ESRRG: variants seen among roughly 807,000 people sequenced by gnomAD.
ESRRG encodes the protein estrogen-related receptor gamma.
In ESRRG, 13 loss-of-function variants were observed where a neutral mutation model predicts 44.0. That is an observed-to-expected ratio of 0.30 (90% confidence interval 0.19 to 0.47). The LOEUF (loss-of-function observed/expected upper bound fraction) is 0.47, where lower values mean the gene tolerates loss of function less well. Among genes scored for constraint, ESRRG ranks in the 20% least tolerant of loss-of-function variants. The pLI, the probability that ESRRG is intolerant of heterozygous loss-of-function variation, is 1.00. For synonymous variants in ESRRG, 215 were observed against 214.6 expected (o/e 1.00, Z -0.02); for missense variants, 395 against 580.6 (o/e 0.68, Z 3.29).
intron 1 of ESRRG, among the ~76,000 whole-genome samples, chr1:217,067,116 A>G (rs577397396): frequency 6.6e-6 from 1 of 152,326 alleles, no homozygotes; most frequent in South Asian, 2.1e-4. Flanking sequence ...AAGATTACCC[A>G]CAATAATTAC....
At chr1:216,943,392 C>G (rs954663241) in intron 1 of ESRRG, among the ~76,000 whole-genome samples, 1 of 152,284 alleles carries the variant, frequency 6.6e-6, no homozygotes, top group East Asian at 1.9e-4. Context: ...GGGGAATTGC[C>G]TCTCTAAATA....
chr1:216,906,736 C>A (rs966658614), intron 2 of ESRRG, among the ~76,000 whole-genome samples: 1 of 152,126 alleles, frequency 6.6e-6, no homozygotes, highest in Non-Finnish European at 1.5e-5. Context: ...AAGAAAGAAT[C>A]CAGGGAATTT....
At chr1:216,987,100 G>A (rs2075000719) in intron 1 of ESRRG, among the ~76,000 whole-genome samples, 1 of 152,174 alleles carries the variant, frequency 6.6e-6, no homozygotes, top group African/African-American at 2.4e-5. Context: ...GTGCCAGACA[G>A]TTCATTAGAA....
chr1:216,913,437 T>C (rs2149622219), intron 2 of ESRRG, among the ~76,000 whole-genome samples: 2 of 152,276 alleles, frequency 1.3e-5, no homozygotes, highest in African/African-American at 4.8e-5. Flanking sequence ...TGAATGAATA[T>C]GCATCCTTTA....
At chr1:216,581,701 C>T (rs1181111452) in intron 3 of ESRRG, among the ~76,000 whole-genome samples, 1 of 152,056 alleles carries the variant, frequency 6.6e-6, no homozygotes, top group Admixed American at 6.6e-5. Flanking sequence ...AGAGCATTTA[C>T]CCCCAAAGGA....
At chr1:216,523,215 T>G (rs1207833691) in intron 5 of ESRRG, among the ~76,000 whole-genome samples, 1 of 152,172 alleles carries the variant, frequency 6.6e-6, no homozygotes, top group East Asian at 1.9e-4. Flanking sequence ...CCAGAGTCAG[T>G]GCCATTTAAT....
At chr1:217,104,045 A>G (rs2092556482) in intron 1 of ESRRG, among the ~76,000 whole-genome samples, 1 of 152,190 alleles carries the variant, frequency 6.6e-6, no homozygotes, top group African/African-American at 2.4e-5. Flanking sequence ...ACATAAAGAT[A>G]CGTAACTATT....
At chr1:216,652,221 C>A (rs946139057) in intron 2 of ESRRG, among the ~76,000 whole-genome samples, 1 of 152,118 alleles carries the variant, frequency 6.6e-6, no homozygotes, top group African/African-American at 2.4e-5. Context: ...AGGGTCCGTC[C>A]AAGTCCCCTG....
At chr1:217,020,128 C>A (rs935597257) in intron 1 of ESRRG, among the ~76,000 whole-genome samples, 15 of 152,234 alleles carry the variant, frequency 9.9e-5, no homozygotes, top group Admixed American at 1.3e-4. Context: ...CCTGGTATTC[C>A]CTCACATGGT....
At chr1:216,699,091 G>T (rs1316324306) in intron 1 of ESRRG, among the ~76,000 whole-genome samples, 1 of 152,168 alleles carries the variant, frequency 6.6e-6, no homozygotes, top group African/African-American at 2.4e-5. Context: ...TACCTGCATT[G>T]CTGTATCAAA....
At chr1:216,683,763 C>A (rs1480879771) in intron 1 of ESRRG, among the ~76,000 whole-genome samples, 1 of 152,212 alleles carries the variant, frequency 6.6e-6, no homozygotes, top group Non-Finnish European at 1.5e-5. Flanking sequence ...CTCTTAACAG[C>A]AGGACCTCAC....
chr1:217,116,617 T>C (rs1359293311), intron 1 of ESRRG, among the ~76,000 whole-genome samples: 3 of 152,244 alleles, frequency 2.0e-5, no homozygotes, highest in African/African-American at 4.8e-5. Context: ...TTGACATTAC[T>C]GATGGGACAG....
intron 1 of ESRRG, among the ~76,000 whole-genome samples, chr1:216,979,661 C>T (rs568501138): frequency 2.0e-5 from 3 of 151,928 alleles, no homozygotes; most frequent in African/African-American, 2.4e-5. Context: ...GATAATAATC[C>T]GTAACTCATA....
At chr1:216,722,335 A>G (rs1215439914) in intron 1 of ESRRG, among the ~76,000 whole-genome samples, 2 of 152,224 alleles carry the variant, frequency 1.3e-5, no homozygotes, top group African/African-American at 4.8e-5. Flanking sequence ...TTATCTTAAC[A>G]GTAGGTTGAA....
At chr1:216,926,412 G>GA (rs35546963) in intron 2 of ESRRG, among the ~76,000 whole-genome samples, 4,722 of 127,828 alleles carry the variant, frequency 0.037, 215 homozygotes, top group African/African-American at 0.12. Context: ...TAACACCTAT[G>GA]AAAAAAAAAA....
At position 216,740,685 on chromosome 1, in the gene ESRRG, GATGCTTGTGGAGAAATA is replaced by G. The variant is rs1481055502; in HGVS notation, c.-13-63211_-13-63195del. Among the ~76,000 whole-genome samples the G allele has an allele frequency of 1.3e-5, 2 of 151,456 alleles. 1 individual carries two copies. Among genetic ancestry groups the G allele is most frequent in the Non-Finnish European group, 2.9e-5 (2 of 67,894 alleles). On this transcript the variant is annotated intron_variant, in intron 2 of 7. Transcript: ENST00000359162. ...AGAAAGAAATTGTAACCCTGCCTTA[GATGCTTGTGGAGAAATA>G]ATGCTTTCTACACACCTTTCTATAT...
chr1:216,530,332 A>ATCTG (rs1330162389), intron 5 of ESRRG, among the ~76,000 whole-genome samples: 3 of 151,840 alleles, frequency 2.0e-5, no homozygotes, highest in African/African-American at 7.3e-5. Context: ...CTATCTATCT[A>ATCTG]TCTTCACTGA....
chr1:216,665,830 A>G (rs2073795695), intron 2 of ESRRG, among the ~76,000 whole-genome samples: 1 of 152,224 alleles, frequency 6.6e-6, no homozygotes, highest in Non-Finnish European at 1.5e-5. Flanking sequence ...TAAATTGTAT[A>G]AATCAGCTCC....
chr1:216,886,095 C>A (rs1047884070), intron 2 of ESRRG, among the ~76,000 whole-genome samples: 1 of 151,990 alleles, frequency 6.6e-6, no homozygotes, highest in Non-Finnish European at 1.5e-5. Context: ...TAGAGTAAGC[C>A]TAGTATGAAT....
Sources: gnomAD v4.1 joint callset for allele counts (sites outside exome capture counted in the v4.1 genomes callset) on GRCh38, gnomAD v4.1.1 for gene constraint, MANE v1.5 for transcripts, NCBI Gene and HGNC (gene_info 2026-07-23, HGNC 2026-07-21) for gene names.